ALX1: variants seen among roughly 807,000 people sequenced by gnomAD.
ALX1 encodes ALX homeobox protein 1.
Under a neutral mutation model 31.7 loss-of-function variants are expected in ALX1, and 19 were observed. The ratio of observed to expected loss-of-function variants is 0.60; its 90% CI spans 0.42 to 0.88. The LOEUF (loss-of-function observed/expected upper bound fraction) is 0.88. Among genes scored for constraint, ALX1 ranks in the 40% least tolerant of loss-of-function variants. ALX1 has a pLI of 0.00. For synonymous variants in ALX1, 153 were observed against 148.8 expected (o/e 1.03, Z -0.20); for missense variants, 415 against 407.8 (o/e 1.02, Z -0.15).
intron 1 of ALX1, among the ~76,000 whole-genome samples, chr12:85,282,244 G>T (rs1031206395): frequency 6.6e-6 from 1 of 151,266 alleles, no homozygotes; most frequent in Non-Finnish European, 1.5e-5. Flanking sequence ...TAAAAAATTT[G>T]TTATATATAT....
intron 3 of ALX1, among the ~76,000 whole-genome samples, chr12:85,299,113 T>C (rs112851104): frequency 0.012 from 1,887 of 151,508 alleles, 14 homozygotes; most frequent in Middle Eastern, 0.02. Context: ...ATAATCCTTC[T>C]CTTTCATTAT....
At chr12:85,288,313 C>T (rs186013393) in intron 3 of ALX1, among the ~76,000 whole-genome samples, 1 of 151,616 alleles carries the variant, frequency 6.6e-6, no homozygotes, top group African/African-American at 2.4e-5. Context: ...TGCCTCCTAT[C>T]TCCTTGCCAT....
chr12:85,280,680 C>G (rs73365758), intron 1 of ALX1, among the ~76,000 whole-genome samples, 193 bp downstream of exon 1: 1 of 151,914 alleles, frequency 6.6e-6, no homozygotes, highest in African/African-American at 2.4e-5. Context: ...GGGCGGAGGG[C>G]GGAGGGAGGG....
chr12:85,289,244 G>A (rs1386315155), intron 3 of ALX1, among the ~76,000 whole-genome samples: 5 of 151,068 alleles, frequency 3.3e-5, no homozygotes, highest in African/African-American at 7.3e-5. Context: ...TCAGAATAGT[G>A]CATATTCTGA....
chr12:85,299,458 T>C (rs1447462026), intron 3 of ALX1, among the ~76,000 whole-genome samples: 1 of 151,450 alleles, frequency 6.6e-6, no homozygotes, highest in Non-Finnish European at 1.5e-5. Flanking sequence ...ATCATATATA[T>C]ATATAAAATA....
intron 3 of ALX1, among the ~76,000 whole-genome samples, chr12:85,299,956 T>C (rs1332402727): frequency 6.6e-6 from 1 of 152,020 alleles, no homozygotes; most frequent in Non-Finnish European, 1.5e-5. Flanking sequence ...AACATGTGTA[T>C]TGCTGCTATG....
In ALX1 at chr12:85,280,461, G is replaced by C. The variant is rs561233322; in HGVS notation, c.200G>C (p.Arg67Thr). 1.2e-6 allele frequency: 2 copies of C among 1,611,592 alleles called. No homozygotes were observed. Among genetic ancestry groups the C allele is most frequent in the Non-Finnish European group, 1.7e-6 (2 of 1,179,990 alleles). The change falls in exon 1 of 4, where the codon AGG becomes ACG. Residue 67 changes from arginine (R) to threonine (T), a missense_variant. By Grantham distance (71) the Arg-to-Thr change is moderately conservative. This residue lies in a region of ALX1 where 235 missense variants were observed against 208.9 expected (regional missense o/e 1.13). Transcript: ENST00000316824. The stretch of plus-strand genomic sequence containing the variant: ...GCCGAGCATCACGTGCGCTTGGAGA[G>C]GACCTCGCCCTGTCAGGACAGCAGC... Reference protein sequence around the residue: ...PRAEHHVRLERTSPCQDSSVN... With the variant: ...PRAEHHVRLETTSPCQDSSVN...
At chr12:85,281,431 T>A (rs2137374305) in intron 1 of ALX1, among the ~76,000 whole-genome samples, 1 of 152,330 alleles carries the variant, frequency 6.6e-6, no homozygotes, top group Admixed American at 6.5e-5. Context: ...TATTCCACAG[T>A]TAAGCTATAA....
rs1234234055 is a variant in ALX1 at position 85,286,807 on chromosome 12, A to G, written c.532-46A>G. On this transcript the variant is annotated intron_variant, in intron 2 of 3. Coordinates refer to ENST00000316824, the MANE Select transcript of ALX1 (RefSeq NM_006982.3). Reference sequence around the variant, plus strand: ...TGTCTTTTAACATCACATTTGCTTTATCAAATATTCCTTAGCTAAAATTCT... The same window carrying G: ...TGTCTTTTAACATCACATTTGCTTTGTCAAATATTCCTTAGCTAAAATTCT... 4.7e-6 allele frequency: 7 copies of G among 1,488,432 alleles called. No individual in the cohort carries two copies. In the African/African-American group the frequency reaches 8.5e-5, roughly 18 times the overall value. The allele number at this position is 1,488,432 out of a possible 1,614,324, so 92.2% of individuals were successfully genotyped here.
At chr12:85,289,030 T>C (rs991968221) in intron 3 of ALX1, among the ~76,000 whole-genome samples, 2 of 151,468 alleles carry the variant, frequency 1.3e-5, no homozygotes, top group African/African-American at 4.8e-5. Flanking sequence ...TTACTAAGTA[T>C]ATTCCACAAC....
chr12:85,292,012 T>C (rs1013157034), intron 3 of ALX1, among the ~76,000 whole-genome samples: 1 of 151,176 alleles, frequency 6.6e-6, no homozygotes. Context: ...TGCTTGTGAA[T>C]GTTAAACAAA....
chr12:85,285,534 A>C (rs1896737215), intron 2 of ALX1, among the ~76,000 whole-genome samples: 1 of 152,006 alleles, frequency 6.6e-6, no homozygotes, highest in African/African-American at 2.4e-5. Context: ...TATAATGAAC[A>C]TGTAGCTCTC....
intron 3 of ALX1, among the ~76,000 whole-genome samples, chr12:85,290,903 A>T (rs1288819966): frequency 6.6e-6 from 1 of 150,982 alleles, no homozygotes; most frequent in South Asian, 2.1e-4. Context: ...CTGACTTCCC[A>T]TTTACAATGT....
Position 85,283,701 on chromosome 12 carries a change from T to C in ALX1, c.356T>C (p.Leu119Pro). 6.2e-7 allele frequency: 1 copy of C among 1,614,166 alleles called. No homozygotes were observed. The highest frequency in any genetic ancestry group is 8.5e-7 in the Non-Finnish European group (1 of 1,180,006). Reference sequence around the variant, plus strand: ...CAAGAGAAGGGAGAGCTGGATGAACTTGGGGATAAATGTGATAGCAATGTA... The same window carrying C: ...CAAGAGAAGGGAGAGCTGGATGAACCTGGGGATAAATGTGATAGCAATGTA... ...GMQEKGELDE[L>P]GDKCDSNVSS... Residue 119 changes from leucine to proline, a missense_variant, in exon 2 of 4, where the codon CTT becomes CCT. Coordinates refer to ENST00000316824, the MANE Select transcript of ALX1 (RefSeq NM_006982.3).
At chr12:85,291,288 C>T (rs1896815189) in intron 3 of ALX1, among the ~76,000 whole-genome samples, 1 of 150,982 alleles carries the variant, frequency 6.6e-6, no homozygotes, top group Non-Finnish European at 1.5e-5. Context: ...TATAACTGAT[C>T]TAGACAAAAT....
chr12:85,290,723 C>T (rs1896807328), intron 3 of ALX1, among the ~76,000 whole-genome samples: 2 of 151,036 alleles, frequency 1.3e-5, no homozygotes, highest in South Asian at 4.1e-4. Context: ...TATTTTTCCT[C>T]AAGAGTTAAC....
In ALX1 at chr12:85,281,464, C is replaced by A. The variant is rs563551339; in HGVS notation, c.226+977C>A. Reference sequence around the variant, plus strand: ...TAAGGGGCGGGTTGCTTTAAAATAACAAACGAATTAAGTGTGAAATATTTA... The same window carrying A: ...TAAGGGGCGGGTTGCTTTAAAATAAAAAACGAATTAAGTGTGAAATATTTA... On this transcript the variant is annotated intron_variant, in intron 1 of 3. Coordinates refer to ENST00000316824, the MANE Select transcript of ALX1 (RefSeq NM_006982.3). Among the ~76,000 whole-genome samples the A allele has an allele frequency of 2.9e-3, 446 of 152,238 alleles. 2 individuals carry two copies. Among genetic ancestry groups the A allele is most frequent in the Admixed American group, 5.3e-3 (81 of 15,302 alleles).
chr12:85,283,480 T>C (rs577355497), intron 1 of ALX1, 92 bp from the exon 2 acceptor site: 2 of 1,353,024 alleles, frequency 1.5e-6, no homozygotes, highest in Non-Finnish European at 2.1e-6. Context: ...ATAGGCCAAT[T>C]TCTTGATACT....
intron 3 of ALX1, among the ~76,000 whole-genome samples, chr12:85,294,230 T>C (rs1896856154): frequency 6.6e-6 from 1 of 151,152 alleles, no homozygotes; most frequent in South Asian, 2.1e-4. Flanking sequence ...TATCTTTATT[T>C]CTTATATTGT....
Sources: gnomAD v4.1 joint callset for allele counts (sites outside exome capture counted in the v4.1 genomes callset) on GRCh38, gnomAD v4.1.1 for gene constraint, gnomAD v4.1.1 regional missense constraint, MANE v1.5 for transcripts, NCBI Gene and HGNC (gene_info 2026-07-23, HGNC 2026-07-21) for gene names.